XYLT1: variants seen among roughly 807,000 people sequenced by gnomAD.
XYLT1 encodes the protein xylosyltransferase 1.
Under a neutral mutation model 91.3 loss-of-function variants are expected in XYLT1, and 36 were observed. That is an observed-to-expected ratio of 0.39 (90% CI 0.30 to 0.52). The LOEUF (loss-of-function observed/expected upper bound fraction) is 0.52. XYLT1 is among the 20% of genes least tolerant of loss of function. The pLI is 0.68. For missense variants in XYLT1, 1,242 were observed against 1,284.5 expected, an observed-to-expected ratio of 0.97 and a Z score of 0.51; for synonymous variants, 588 against 532.0, an observed-to-expected ratio of 1.11 and a Z score of -1.45.
At chr16:17,402,503 A>C (rs1387576422) in intron 1 of XYLT1, among the ~76,000 whole-genome samples, 1 of 152,154 alleles carries the variant, frequency 6.6e-6, no homozygotes, top group Non-Finnish European at 1.5e-5. Flanking sequence ...ACATGAGAAA[A>C]TACAAAATAA....
At chr16:17,163,181 ATGTCCAAGGCCCCTTCCTGGGGATT>A (rs1414518513) in intron 5 of XYLT1, among the ~76,000 whole-genome samples, 5 of 152,224 alleles carry the variant, frequency 3.3e-5, no homozygotes, top group African/African-American at 1.2e-4. Flanking sequence ...AGTTTAAGAG[ATGTCCAAGGCCCCTTCCTGGGGATT>A]TGTCCAAGGT....
At chr16:17,273,283 A>G (rs1227896017) in intron 2 of XYLT1, among the ~76,000 whole-genome samples, 3 of 152,210 alleles carry the variant, frequency 2.0e-5, no homozygotes, top group Non-Finnish European at 4.4e-5. Context: ...ATCAAAGGCC[A>G]CACAAGCTGT....
chr16:17,253,747 C>A, intron 3 of XYLT1, among the ~76,000 whole-genome samples: 1 of 151,860 alleles, frequency 6.6e-6, no homozygotes, highest in East Asian at 1.9e-4. Context: ...CCTCCACCAC[C>A]CCAGGCTCTT....
At chr16:17,135,340 C>G (rs1397597877) in intron 8 of XYLT1, among the ~76,000 whole-genome samples, 1 of 152,092 alleles carries the variant, frequency 6.6e-6, no homozygotes, top group Non-Finnish European at 1.5e-5. Context: ...TGCAGACTCA[C>G]AAGGGATCGG....
At chr16:17,294,102 G>A (rs935160155) in intron 2 of XYLT1, among the ~76,000 whole-genome samples, 4 of 152,076 alleles carry the variant, frequency 2.6e-5, no homozygotes, top group Non-Finnish European at 4.4e-5. Flanking sequence ...TGCTGAGAAT[G>A]CAGGAGCAGT....
At position 17,470,823 on chromosome 16, in the gene XYLT1, C is replaced by A. The variant is rs1446626322; in HGVS notation, c.-27G>T. The A allele has an allele frequency of 3.5e-6, 3 of 869,138 alleles. No homozygotes were observed. Among genetic ancestry groups the A allele is most frequent in the Non-Finnish European group, 3.8e-6 (3 of 780,984 alleles). 53.8% of individuals were successfully genotyped at this position (869,138 alleles called of 1,614,324 possible). A position where few individuals can be genotyped will look rare whatever the true frequency, so the allele number is the denominator to read the frequency against. On this transcript the variant is annotated 5_prime_UTR_variant, in exon 1 of 12. Coordinates refer to ENST00000261381, the MANE Select transcript of XYLT1 (RefSeq NM_022166.4). ...TTCGGAGCGCGGCCGGCGAGCGAGGCGCGGGGACCCCGGCACGCTCCGGGC... is the reference window on the plus strand; with the variant it reads ...TTCGGAGCGCGGCCGGCGAGCGAGGAGCGGGGACCCCGGCACGCTCCGGGC...
At chr16:17,344,399 A>G (rs1352268376) in intron 2 of XYLT1, among the ~76,000 whole-genome samples, 1 of 150,668 alleles carries the variant, frequency 6.6e-6, no homozygotes, top group Non-Finnish European at 1.5e-5. Flanking sequence ...AGGCTGAGGC[A>G]GGAGAATGGC....
intron 2 of XYLT1, among the ~76,000 whole-genome samples, chr16:17,354,175 A>C (rs373104190): frequency 6.6e-6 from 1 of 151,980 alleles, no homozygotes; most frequent in Admixed American, 6.6e-5. Context: ...AGCATTCATC[A>C]CTGCAAGTCA....
chr16:17,291,803 C>T (rs755725363), intron 2 of XYLT1, among the ~76,000 whole-genome samples: 1 of 152,092 alleles, frequency 6.6e-6, no homozygotes, highest in Non-Finnish European at 1.5e-5. Context: ...AAGGCTTAAA[C>T]AAAAGACACT....
chr16:17,305,701 C>G (rs1413608315), intron 2 of XYLT1, among the ~76,000 whole-genome samples: 2 of 152,080 alleles, frequency 1.3e-5, no homozygotes, highest in Non-Finnish European at 2.9e-5. Flanking sequence ...GACGTGAATA[C>G]CTTCTTTCTT....
intron 2 of XYLT1, among the ~76,000 whole-genome samples, chr16:17,273,798 C>G (rs1266848068): frequency 7.1e-6 from 1 of 140,916 alleles, no homozygotes; most frequent in Non-Finnish European, 1.5e-5. Context: ...GAGCCAAGAT[C>G]ATGCCACTGC....
chr16:17,110,412 ATAAG>A (rs1966837597), intron 11 of XYLT1, among the ~76,000 whole-genome samples: 1 of 152,184 alleles, frequency 6.6e-6, no homozygotes, highest in Admixed American at 6.5e-5. Flanking sequence ...GTGATAGTGA[ATAAG>A]TAAGTCTCAT....
intron 2 of XYLT1, among the ~76,000 whole-genome samples, chr16:17,353,776 G>T (rs1485719175): frequency 1.3e-5 from 2 of 152,180 alleles, no homozygotes; most frequent in Non-Finnish European, 2.9e-5. Flanking sequence ...CTCCAGCTTT[G>T]CCTGAATGTT....
intron 2 of XYLT1, among the ~76,000 whole-genome samples, chr16:17,259,734 A>G (rs1381903790): frequency 2.0e-4 from 30 of 152,194 alleles, no homozygotes; most frequent in Admixed American, 2.0e-3. Flanking sequence ...CTAAAGTGCC[A>G]TGACTACGAT....
intron 2 of XYLT1, among the ~76,000 whole-genome samples, chr16:17,330,480 G>C (rs370523073): frequency 1.7e-3 from 259 of 152,188 alleles, no homozygotes; most frequent in African/African-American, 6.0e-3. Context: ...CCAGGCTAGA[G>C]GTGCCATAGA....
At chr16:17,454,918 C>CT in intron 1 of XYLT1, among the ~76,000 whole-genome samples, 14 of 103,098 alleles carry the variant, frequency 1.4e-4, no homozygotes, top group African/African-American at 5.1e-4. Context: ...CCCCCGCCCC[C>CT]CCCCGCAACT....
chr16:17,382,004 G>C (rs534388039), intron 1 of XYLT1, among the ~76,000 whole-genome samples: 21 of 151,842 alleles, frequency 1.4e-4, no homozygotes, highest in Non-Finnish European at 2.9e-4. Flanking sequence ...GAGGCACAGA[G>C]AGGCCACCTT....
intron 3 of XYLT1, among the ~76,000 whole-genome samples, chr16:17,245,158 A>T (rs1345913840): frequency 1.3e-5 from 2 of 152,216 alleles, no homozygotes; most frequent in Admixed American, 6.5e-5. Context: ...ATGTTTCAGT[A>T]TTTTAAAATA....
chr16:17,373,536 G>A (rs1054226558), intron 1 of XYLT1, among the ~76,000 whole-genome samples: 3 of 151,166 alleles, frequency 2.0e-5, no homozygotes, highest in African/African-American at 4.8e-5. Flanking sequence ...GCCAGCTGGC[G>A]GAATTTCTCA....
Sources: allele counts gnomAD v4.1 joint callset (sites outside exome capture counted in the v4.1 genomes callset), GRCh38; gene constraint gnomAD v4.1.1; transcripts MANE v1.5; gene names NCBI Gene and HGNC (gene_info 2026-07-23, HGNC 2026-07-21).